ING5: variants seen among roughly 807,000 people sequenced by gnomAD.
The protein encoded by ING5 is inhibitor of growth protein 5.
ING5 carries 17 observed loss-of-function variants against 37.4 expected under a neutral mutation model. The ratio of observed to expected loss-of-function variants is 0.45; its 90% CI spans 0.31 to 0.68. The LOEUF is 0.68. ING5 is among the 30% of genes least tolerant of loss of function. The pLI is 0.05. For missense variants in ING5, 233 were observed against 311.9 expected (o/e 0.75, Z 1.91); for synonymous variants, 123 against 116.6 (o/e 1.06, Z -0.36).
At position 241,721,141 on chromosome 2, in the gene ING5, C is replaced by T. The variant is rs1047670931; in HGVS notation, c.483-1798C>T. ...ACGGTTGGCAGCAGAGGGTGCTGCC[C>T]TGCTCTCCGCGGGTGAGAGGTGACT... On this transcript the variant is annotated intron_variant, in intron 5 of 7. Coordinates refer to ENST00000313552, the MANE Select transcript of ING5 (RefSeq NM_032329.6). 6 of 985,468 alleles carry T rather than the reference C, an allele frequency of 6.1e-6. No homozygotes were observed. In the African/African-American group the frequency reaches 8.7e-5, roughly 14 times the overall value. The allele number at this position is 985,468 out of a possible 1,614,324, so 61.0% of individuals were successfully genotyped here. A position where few individuals can be genotyped will look rare whatever the true frequency, so the allele number is the denominator to read the frequency against.
chr2:241,693,621 C>T lies in ING5; in HGVS notation c.43+2968C>T, dbSNP rs142395843. Among the ~76,000 whole-genome samples the T allele has an allele frequency of 1.0e-3, 146 of 144,646 alleles. 1 individual carries two copies. Among genetic ancestry groups the T allele is most frequent in the African/African-American group, 3.4e-3 (134 of 39,960 alleles). 94.9% of individuals were successfully genotyped at this position (144,646 alleles called of 152,430 possible). A position where few individuals can be genotyped will look rare whatever the true frequency, so the allele number is the denominator to read the frequency against. ...TGGAGTGTGCTGTCCCGCCTGTTCA[C>T]ATTAGAGTTGTTGCACTGAGAAATA... On this transcript the variant is annotated intron_variant, in intron 2 of 7. Transcript: ENST00000636051.
At position 241,712,039 on chromosome 2, in the gene ING5, A is replaced by G. The variant is rs1384113988; in HGVS notation, c.450A>G (p.Glu150=). ...GCCGAGGCAGGAGGACATCAGAGGA[A>G]GACACACCAAAGAAAAAGAAGCACA... ...SRGRGRRTSE[E]DTPKKKKHKG... is the part of the protein sequence containing the mutation. The change falls in exon 5 of 8, where the codon GAA becomes GAG. Residue 150 remains glutamate, a synonymous_variant. Coordinates refer to ENST00000313552, the MANE Select transcript of ING5 (RefSeq NM_032329.6). The G allele has an allele frequency of 1.9e-6, 3 of 1,612,594 alleles. No homozygotes were observed. Among genetic ancestry groups the G allele is most frequent in the Non-Finnish European group, 2.5e-6 (3 of 1,179,314 alleles).
chr2:241,722,960 C>G lies in ING5; in HGVS notation c.504C>G (p.Ile168Met), dbSNP rs1427642607. The change falls in exon 6 of 8, where the codon ATC (isoleucine) becomes ATG (methionine). Residue 168 changes from isoleucine (I) to methionine (M), a missense_variant. By Grantham distance (10) the Ile-to-Met change is conservative. Around this residue, in one of 4 missense-constraint regions of ING5, gnomAD observed 45 missense variants for 98.2 expected, o/e 0.46. Transcript: ENST00000313552. Reference protein sequence around the residue: ...HKGGSEFTDTILSVHPSDVLD... With the variant: ...HKGGSEFTDTMLSVHPSDVLD... ...GCAGGTCTGAGTTCACTGACACCATCCTGTCCGTGCACCCCTCTGATGTGC... is the reference window on the plus strand; with the variant it reads ...GCAGGTCTGAGTTCACTGACACCATGCTGTCCGTGCACCCCTCTGATGTGC... 6.2e-7 allele frequency: 1 copy of G among 1,614,008 alleles called. No individual in the cohort carries two copies.
rs536409600 is a variant in ING5, at chr2:241,727,285, T to TTGTGTGTG, written c.*2270_*2277dup. 146 of 150,112 alleles carry TTGTGTGTG rather than the reference T, an allele frequency of 9.7e-4. 1 individual carries two copies. Among genetic ancestry groups the TTGTGTGTG allele is most frequent in the African/African-American group, 3.4e-3 (141 of 40,958 alleles). 9.3% of individuals were successfully genotyped at this position (150,112 alleles called of 1,614,324 possible). On this transcript the variant is annotated 3_prime_UTR_variant, in exon 8 of 8. Coordinates refer to ENST00000313552, the MANE Select transcript of ING5 (RefSeq NM_032329.6). ...ACTTAACTTTTTGTTAGCACAGGTT[T>TTGTGTGTG]TGTGTGTGTGTGTGTGTGTGTGTTT...
upstream of ING5, among the ~76,000 whole-genome samples, chr2:241,699,038 T>TG (rs570586792): frequency 2.7e-4 from 37 of 139,130 alleles, no homozygotes; most frequent in Admixed American, 5.7e-4. Flanking sequence ...AATTTTTTTT[T>TG]GGGGGGGGAG....
At chr2:241,694,983 G>A (rs571856912) in intron 2 of ING5, among the ~76,000 whole-genome samples, 1 of 141,666 alleles carries the variant, frequency 7.1e-6, no homozygotes, top group Non-Finnish European at 1.5e-5. Flanking sequence ...TTGCGCCACC[G>A]CACTCCAGCC....
At chr2:241,708,465 CA>C (rs1346846732) in intron 2 of ING5, among the ~76,000 whole-genome samples, 45 of 152,258 alleles carry the variant, frequency 3.0e-4, no homozygotes, top group Admixed American at 2.9e-3. Context: ...CCTCGGCCTC[CA>C]AAAGTGCTGG....
chr2:241,690,575 T>G (rs765912723), exon 2 of ING5: 19 of 398,468 alleles, frequency 4.8e-5, no homozygotes, highest in Non-Finnish European at 8.0e-5. Context: ...ACTGACAGCC[T>G]CAGGCCTGAT....
At chr2:241,711,587 A>G (rs201828522) in intron 4 of ING5, 99 bp downstream of exon 4, 3 of 904,544 alleles carry the variant, frequency 3.3e-6, no homozygotes, top group East Asian at 5.2e-5. Context: ...TCACTAGGGT[A>G]AGTATCATAT....
rs1470508359 is a variant in ING5 at position 241,725,546 on chromosome 2, C to A, written c.*515C>A. 6.6e-6 allele frequency: 1 copy of A among 152,108 alleles called. No individual in the cohort carries two copies. The highest frequency in any genetic ancestry group is 1.5e-5 in the Non-Finnish European group (1 of 68,044). 9.4% of individuals were successfully genotyped at this position (152,108 alleles called of 1,614,324 possible). ...GCCGCCTCCGGCCACCGTGCGCTCC[C>A]GCGTGGGGCGCCTCGGATGGGCCCG... is the stretch of plus-strand genomic sequence containing the variant. On this transcript the variant is annotated 3_prime_UTR_variant, in exon 8 of 8. Transcript: ENST00000313552.
At chr2:241,721,208 G>A in intron 5 of ING5, 1 of 985,654 alleles carries the variant, frequency 1.0e-6, no homozygotes, top group Non-Finnish European at 1.2e-6. Context: ...AGCCACAGGT[G>A]GCATCCCGGA....
intron 2 of ING5, among the ~76,000 whole-genome samples, chr2:241,706,227 G>T (rs1005833556): frequency 6.6e-6 from 1 of 152,096 alleles, no homozygotes; most frequent in Non-Finnish European, 1.5e-5. Flanking sequence ...CCCCTCTTCA[G>T]TGTGGGACCC....
upstream of ING5, among the ~76,000 whole-genome samples, chr2:241,700,113 G>A (rs1345473666): frequency 6.7e-6 from 1 of 149,434 alleles, no homozygotes; most frequent in Non-Finnish European, 1.5e-5. Flanking sequence ...CTCCTGGGTA[G>A]CTGGGATTAC....
At chr2:241,699,545 A>G (rs950756903), upstream of ING5, among the ~76,000 whole-genome samples, 4 of 152,060 alleles carry the variant, frequency 2.6e-5, no homozygotes, top group Non-Finnish European at 4.4e-5. Flanking sequence ...CATGGTGATC[A>G]TACGGATTTG....
At chr2:241,717,794 T>G (rs1368916749) in intron 5 of ING5, among the ~76,000 whole-genome samples, 1 of 152,106 alleles carries the variant, frequency 6.6e-6, no homozygotes, top group African/African-American at 2.4e-5. Context: ...ATATTTTGCG[T>G]GGAACTTGTT....
At position 241,724,797 on chromosome 2, in the gene ING5, G is replaced by C. The variant is rs1171316187; in HGVS notation, c.681-192G>C. On this transcript the variant is annotated intron_variant, in intron 7 of 7. Coordinates refer to ENST00000313552, the MANE Select transcript of ING5 (RefSeq NM_032329.6). ...TGTATCTGTCAGCTTCAGAACCGGC[G>C]TCCTGCATAGAGCCGCACGTGCATC... The C allele has an allele frequency of 8.3e-6, 5 of 600,514 alleles. No homozygotes were observed. In the Admixed American group the frequency reaches 1.2e-4, roughly 14 times the overall value. The allele number at this position is 600,514 out of a possible 1,614,324, so 37.2% of individuals were successfully genotyped here. A position where few individuals can be genotyped will look rare whatever the true frequency, so the allele number is the denominator to read the frequency against.
chr2:241,710,490 G>T (rs1477712924), intron 3 of ING5, among the ~76,000 whole-genome samples: 1 of 143,392 alleles, frequency 7.0e-6, no homozygotes, highest in Non-Finnish European at 1.5e-5. Flanking sequence ...TTGGTTTTTG[G>T]TTTTTTTTTT....
chr2:241,693,653 T>A (rs1398748888), intron 2 of ING5, among the ~76,000 whole-genome samples: 2 of 27,002 alleles, frequency 7.4e-5, no homozygotes, highest in Non-Finnish European at 9.9e-5. Context: ...AATACAACTC[T>A]TTTTTTTTTT....
intron 2 of ING5, among the ~76,000 whole-genome samples, chr2:241,705,790 A>T (rs2069893412): frequency 6.6e-6 from 1 of 152,158 alleles, no homozygotes; most frequent in South Asian, 2.1e-4. Flanking sequence ...GTTCAGACGT[A>T]TATGGCACAG....
Sources: allele counts gnomAD v4.1 joint callset (sites outside exome capture counted in the v4.1 genomes callset), GRCh38; gene constraint gnomAD v4.1.1; regional missense constraint gnomAD v4.1.1; transcripts MANE v1.5; gene names NCBI Gene and HGNC (gene_info 2026-07-23, HGNC 2026-07-21).